Variants in C1QTNF7 observed in about 807,000 individuals in gnomAD.
C1QTNF7 encodes the protein C1q and TNF related 7.
A neutral mutation model predicts 19.6 loss-of-function variants in C1QTNF7; 15 were observed. The observed-to-expected ratio is 0.76, with a 90% CI of 0.51 to 1.18. The LOEUF is 1.18. C1QTNF7 is among the 50% of genes most tolerant of loss of function. The pLI, the probability that C1QTNF7 is intolerant of heterozygous loss-of-function variation, is 0.00. For synonymous variants in C1QTNF7, 142 were observed against 137.5 expected, an observed-to-expected ratio of 1.03 and a Z score of -0.23; for missense variants, 324 against 359.7, an observed-to-expected ratio of 0.90 and a Z score of 0.80.
In C1QTNF7 at chr4:15,435,861, C is replaced by T. The variant is rs758317975; in HGVS notation, c.118C>T (p.Pro40Ser). Residue 40 changes from proline (P) to serine (S), a missense_variant, in exon 2 of 3, where the codon CCT (proline) becomes TCT (serine). Pro to Ser is a moderately conservative substitution (Grantham distance 74). Coordinates refer to ENST00000444304, the MANE Select transcript of C1QTNF7 (RefSeq NM_031911.5). ...GTATATCTGCAGCATTCCTGGCTTGCCTGGACCTCCAGGGCCCCCTGGAGC... is the reference window on the plus strand; with the variant it reads ...GTATATCTGCAGCATTCCTGGCTTGTCTGGACCTCCAGGGCCCCCTGGAGC... The part of the protein sequence containing the change: ...PRYICSIPGL[P>S]GPPGPPGANG... 8 of 1,614,088 alleles carry T rather than the reference C, an allele frequency of 5.0e-6. No individual in the cohort carries two copies. The highest frequency in any genetic ancestry group is 5.9e-6 in the Non-Finnish European group (7 of 1,180,016).
rs377002608 is a variant in C1QTNF7 at position 15,378,898 on chromosome 4, G to C, written c.13+38691G>C. 2.4e-4 allele frequency among the ~76,000 whole-genome samples: 37 copies of C among 152,286 alleles called. No homozygotes were observed. In the East Asian group the frequency reaches 5.8e-3, roughly 24 times the overall value. The stretch of plus-strand genomic sequence containing the variant: ...CTCAAAATGAAGATCACCATTCAGA[G>C]AACTTGCACCAGAGAAGTAAACTTT... On this transcript the variant is annotated intron_variant, in intron 1 of 2. Coordinates refer to the C1QTNF7 transcript ENST00000295297.
At chr4:15,388,559 G>A (rs914783569) in intron 1 of C1QTNF7, among the ~76,000 whole-genome samples, 6 of 152,220 alleles carry the variant, frequency 3.9e-5, no homozygotes, top group Admixed American at 1.3e-4. Flanking sequence ...AGAAAGGATA[G>A]AAATGGTGGC....
At chr4:15,432,187 T>C (rs1160091652) in intron 1 of C1QTNF7, among the ~76,000 whole-genome samples, 1 of 152,080 alleles carries the variant, frequency 6.6e-6, no homozygotes, top group Non-Finnish European at 1.5e-5. Flanking sequence ...GTCAGGGAAA[T>C]AAGGAGGGCC....
At position 15,434,473 on chromosome 4, in the gene C1QTNF7, G is replaced by GT. The variant is rs538175215; in HGVS notation, c.-8-1263_-8-1262insT. ...TCTGATTGCTTTCCCCACATTTTGT[G>GT]ATGATTTCCTTTGGGAGAGTATACA... On this transcript the variant is annotated intron_variant, in intron 1 of 2. Transcript: ENST00000444304. 1.6e-3 allele frequency among the ~76,000 whole-genome samples: 251 copies of GT among 152,292 alleles called. 1 individual carries two copies. The highest frequency in any genetic ancestry group is 5.8e-3 in the African/African-American group (240 of 41,580).
intron 2 of C1QTNF7, among the ~76,000 whole-genome samples, chr4:15,436,710 A>G (rs1159988948): frequency 6.6e-6 from 1 of 152,224 alleles, no homozygotes; most frequent in East Asian, 1.9e-4. Context: ...CAGATTCTGC[A>G]GTCCTTCAGG....
chr4:15,418,275 G>A (rs901547368), intron 1 of C1QTNF7, among the ~76,000 whole-genome samples: 3 of 151,638 alleles, frequency 2.0e-5, no homozygotes, highest in Non-Finnish European at 1.5e-5. Flanking sequence ...ATCGTTTTAT[G>A]CACAACAAAG....
At chr4:15,417,874 G>A (rs937869144) in intron 1 of C1QTNF7, among the ~76,000 whole-genome samples, 12 of 152,122 alleles carry the variant, frequency 7.9e-5, no homozygotes, top group Admixed American at 3.9e-4. Context: ...AGAGAGAAGG[G>A]AAGAGGTGCC....
intron 1 of C1QTNF7, among the ~76,000 whole-genome samples, chr4:15,408,469 T>C (rs1719282049): frequency 6.6e-6 from 1 of 152,034 alleles, no homozygotes; most frequent in African/African-American, 2.4e-5. Context: ...AATGTATGTA[T>C]GTATATACAG....
At chr4:15,347,816 T>A (rs769134349) in intron 1 of C1QTNF7, among the ~76,000 whole-genome samples, 3 of 152,208 alleles carry the variant, frequency 2.0e-5, no homozygotes, top group Non-Finnish European at 4.4e-5. Context: ...TGCATCAGCT[T>A]TGCTAGTAAG....
intron 1 of C1QTNF7, among the ~76,000 whole-genome samples, chr4:15,381,536 C>T (rs751329716): frequency 6.6e-6 from 1 of 152,022 alleles, no homozygotes; most frequent in Non-Finnish European, 1.5e-5. Flanking sequence ...AGTTTGGGTG[C>T]ACATATCAAA....
At chr4:15,380,741 C>A (rs1718109976) in intron 1 of C1QTNF7, among the ~76,000 whole-genome samples, 2 of 152,006 alleles carry the variant, frequency 1.3e-5, no homozygotes, top group South Asian at 2.1e-4. Flanking sequence ...TTGAGACAAG[C>A]CTGGCCAATG....
chr4:15,404,982 T>C (rs767184665), intron 1 of C1QTNF7, among the ~76,000 whole-genome samples: 8 of 152,222 alleles, frequency 5.3e-5, no homozygotes, highest in Non-Finnish European at 8.8e-5. Context: ...TAATATTCCA[T>C]GGAATTAATA....
chr4:15,394,042 A>G (rs1401108760), intron 1 of C1QTNF7, among the ~76,000 whole-genome samples: 2 of 152,222 alleles, frequency 1.3e-5, no homozygotes, highest in African/African-American at 4.8e-5. Flanking sequence ...GGAAAGGCTC[A>G]CAGATACATG....
rs147915351 is a variant in C1QTNF7 at position 15,383,350 on chromosome 4, C to A, written c.13+43143C>A. On this transcript the variant is annotated intron_variant, in intron 1 of 2. Coordinates refer to the C1QTNF7 transcript ENST00000295297. ...TCCCTATGTTGATTCACATGGCCCC[C>A]AAAATGGTTACGCTAATACCAACAG... Among the ~76,000 whole-genome samples the A allele has an allele frequency of 1.4e-4, 22 of 152,310 alleles. No homozygotes were observed. The East Asian group carries it at 3.5e-3, about 24-fold the overall frequency.
At chr4:15,387,023 G>A (rs952869915) in intron 1 of C1QTNF7, among the ~76,000 whole-genome samples, 1 of 152,142 alleles carries the variant, frequency 6.6e-6, no homozygotes, top group Admixed American at 6.5e-5. Flanking sequence ...AATCATTCAG[G>A]CAGAAGACAG....
intron 1 of C1QTNF7, among the ~76,000 whole-genome samples, chr4:15,379,602 G>A (rs1718067639): frequency 6.6e-6 from 1 of 152,122 alleles, no homozygotes; most frequent in African/African-American, 2.4e-5. Flanking sequence ...TTTCCACTCT[G>A]TCACTCTGCT....
chr4:15,429,959 T>C (rs772920382), intron 1 of C1QTNF7, among the ~76,000 whole-genome samples: 17 of 152,204 alleles, frequency 1.1e-4, no homozygotes, highest in African/African-American at 3.4e-4. Flanking sequence ...AAAAATAATA[T>C]GCTATTTACA....
At chr4:15,346,765 T>A (rs1016121556) in intron 1 of C1QTNF7, among the ~76,000 whole-genome samples, 1 of 152,222 alleles carries the variant, frequency 6.6e-6, no homozygotes, top group Admixed American at 6.5e-5. Flanking sequence ...CATTCCCTCC[T>A]TTCCTTCATA....
At position 15,442,397 on chromosome 4, in the gene C1QTNF7, C is replaced by T. The variant is rs1241481954; in HGVS notation, c.468C>T (p.Thr156=). The T allele has an allele frequency of 6.2e-7, 1 of 1,614,052 alleles. No individual in the cohort carries two copies. The highest frequency in any genetic ancestry group is 8.5e-7 in the Non-Finnish European group (1 of 1,180,028). Residue 156 remains threonine (T), a synonymous_variant, in exon 3 of 3, where the codon ACC becomes ACT. Coordinates refer to ENST00000444304, the MANE Select transcript of C1QTNF7 (RefSeq NM_031911.5). ...LKSAFSVGIT[T]SYPEERLPII... is the part of the protein sequence containing the mutation. The stretch of plus-strand genomic sequence containing the variant: ...CCGCCTTTTCTGTTGGCATCACAAC[C>T]AGCTACCCAGAAGAAAGACTACCTA...
Sources: allele counts gnomAD v4.1 joint callset (sites outside exome capture counted in the v4.1 genomes callset), GRCh38; gene constraint gnomAD v4.1.1; transcripts MANE v1.5; gene names NCBI Gene and HGNC (gene_info 2026-07-23, HGNC 2026-07-21).